The following SPOCK3 variants were observed in gnomAD, a reference collection of about 807,000 sequenced individuals.
SPOCK3 encodes the protein testican-3.
Under a neutral mutation model 56.6 loss-of-function variants are expected in SPOCK3, and 30 were observed. The observed-to-expected ratio is 0.53, with a 90% CI of 0.40 to 0.72. The LOEUF is 0.72. Among genes scored for constraint, SPOCK3 ranks in the 30% least tolerant of loss-of-function variants. SPOCK3 has a pLI of 0.00. For synonymous variants in SPOCK3, 196 were observed against 183.3 expected (o/e 1.07, Z -0.56); for missense variants, 527 against 530.0 (o/e 0.99, Z 0.06).
chr4:167,012,083 CTTCTA>C (rs1267043965), intron 3 of SPOCK3, among the ~76,000 whole-genome samples: 6 of 151,764 alleles, frequency 4.0e-5, no homozygotes, highest in Non-Finnish European at 8.8e-5. Flanking sequence ...AATGAGGCAA[CTTCTA>C]TTCAAATTGA....
intron 4 of SPOCK3, among the ~76,000 whole-genome samples, chr4:166,953,304 C>T (rs1238521882): frequency 2.0e-5 from 3 of 152,196 alleles, no homozygotes; most frequent in African/African-American, 7.2e-5. Context: ...CAAAAGAAGA[C>T]ATTTATGCAG....
intron 5 of SPOCK3, among the ~76,000 whole-genome samples, chr4:166,895,398 G>A (rs1735265741): frequency 6.6e-6 from 1 of 151,570 alleles, no homozygotes. Flanking sequence ...ATAAATGAGA[G>A]TCAATTTTTT....
chr4:166,776,538 C>T (rs1420653996), intron 7 of SPOCK3, among the ~76,000 whole-genome samples: 1 of 152,162 alleles, frequency 6.6e-6, no homozygotes, highest in Non-Finnish European at 1.5e-5. Flanking sequence ...TCCTCATCTT[C>T]TTAGATAACA....
At chr4:167,142,261 G>A (rs1763597743) in intron 2 of SPOCK3, among the ~76,000 whole-genome samples, 2 of 151,896 alleles carry the variant, frequency 1.3e-5, no homozygotes, top group South Asian at 4.1e-4. Flanking sequence ...CAAAAGAATA[G>A]TCAAGGATGT....
At chr4:166,842,308 G>A (rs951428497) in intron 6 of SPOCK3, among the ~76,000 whole-genome samples, 1 of 152,114 alleles carries the variant, frequency 6.6e-6, no homozygotes, top group Admixed American at 6.5e-5. Context: ...CCTGCTGATT[G>A]GTCCATTTTA....
At chr4:166,754,132 C>T in intron 8 of SPOCK3, 1 of 986,258 alleles carries the variant, frequency 1.0e-6, no homozygotes, top group Non-Finnish European at 1.2e-6. Flanking sequence ...CATTAAAACT[C>T]CACCGTATAG....
intron 2 of SPOCK3, among the ~76,000 whole-genome samples, chr4:167,212,458 G>C (rs886448268): frequency 2.6e-5 from 4 of 152,018 alleles, no homozygotes; most frequent in Non-Finnish European, 5.9e-5. Context: ...GCCAGGACTG[G>C]TCTTGAACTC....
In SPOCK3 at chr4:167,012,552, T is replaced by A. The variant is rs568567789; in HGVS notation, c.236-12089A>T. On this transcript the variant is annotated intron_variant, in intron 3 of 10. Coordinates refer to ENST00000357545, the MANE Select transcript of SPOCK3 (RefSeq NM_001040159.2). ...GCTCTTTAGCACTTGGGGAAAAAAA[T>A]TAAGAAAACTAAGACTAAGTTGGAC... Among the ~76,000 whole-genome samples, 221 of 151,998 alleles carry A rather than the reference T, an allele frequency of 1.5e-3. 2 individuals are homozygous for A. In the South Asian group the frequency reaches 0.022, roughly 15 times the overall value.
At chr4:167,065,217 A>G (rs1756014011) in intron 2 of SPOCK3, among the ~76,000 whole-genome samples, 1 of 151,662 alleles carries the variant, frequency 6.6e-6, no homozygotes, top group Non-Finnish European at 1.5e-5. Context: ...GTTAATAGTG[A>G]GTCCATTCAT....
At chr4:167,100,112 TCTCA>T (rs1759508398) in intron 2 of SPOCK3, among the ~76,000 whole-genome samples, 1 of 152,132 alleles carries the variant, frequency 6.6e-6, no homozygotes, top group Non-Finnish European at 1.5e-5. Flanking sequence ...AATACCAAAC[TCTCA>T]CTATCAATTT....
chr4:166,762,089 G>T (rs1737314329), intron 7 of SPOCK3, among the ~76,000 whole-genome samples: 1 of 133,164 alleles, frequency 7.5e-6, no homozygotes, highest in Admixed American at 8.2e-5. Flanking sequence ...AAGAATTTCA[G>T]TGTTTTTGTT....
At chr4:166,922,225 C>T (rs1039688824) in intron 4 of SPOCK3, among the ~76,000 whole-genome samples, 2 of 152,098 alleles carry the variant, frequency 1.3e-5, no homozygotes, top group Admixed American at 6.6e-5. Flanking sequence ...GACCGCTGCC[C>T]TACAAGATAT....
chr4:167,089,695 G>A (rs1257882608), intron 2 of SPOCK3, among the ~76,000 whole-genome samples: 1 of 152,056 alleles, frequency 6.6e-6, no homozygotes, highest in African/African-American at 2.4e-5. Context: ...ACACATCAGT[G>A]GGTTGTATCA....
chr4:166,944,340 A>G (rs62355383), intron 4 of SPOCK3, among the ~76,000 whole-genome samples: 2,154 of 152,220 alleles, frequency 0.014, 21 homozygotes, highest in African/African-American at 0.02. Context: ...CTCCTCCATA[A>G]CAACAATGCA....
intron 3 of SPOCK3, among the ~76,000 whole-genome samples, chr4:167,061,696 AT>A (rs1755624009): frequency 6.6e-6 from 1 of 151,978 alleles, no homozygotes; most frequent in Non-Finnish European, 1.5e-5. Flanking sequence ...AAAAACTTCT[AT>A]TTTTAAGTCT....
chr4:166,832,957 C>T (rs116535005), intron 6 of SPOCK3, among the ~76,000 whole-genome samples: 1,835 of 152,230 alleles, frequency 0.012, 43 homozygotes, highest in African/African-American at 0.042. Flanking sequence ...AGGTACTATA[C>T]TCACTACCTG....
intron 6 of SPOCK3, among the ~76,000 whole-genome samples, chr4:166,865,055 C>T (rs1731658727): frequency 6.6e-6 from 1 of 151,998 alleles, no homozygotes; most frequent in African/African-American, 2.4e-5. Flanking sequence ...GCAAGCCAAA[C>T]CCAGCAGCAC....
chr4:167,226,715 T>C (rs1736632884), intron 2 of SPOCK3, among the ~76,000 whole-genome samples: 5 of 152,132 alleles, frequency 3.3e-5, no homozygotes, highest in Admixed American at 3.3e-4. Flanking sequence ...AGGTGAATTC[T>C]AGGACAAGGT....
rs547662366 is a variant in SPOCK3 at position 166,882,388 on chromosome 4, A to T, written c.589+6742T>A. Among the ~76,000 whole-genome samples the T allele has an allele frequency of 1.5e-3, 226 of 152,250 alleles. 1 individual carries two copies. The highest frequency in any genetic ancestry group is 3.4e-3 in the Middle Eastern group (1 of 294). ...TGATTTCATCTTCTGGCCAAACCAC[A>T]CTGTACCATGGTGCTGTCTGGGCTT... On this transcript the variant is annotated intron_variant, in intron 6 of 10. Coordinates refer to ENST00000357545, the MANE Select transcript of SPOCK3 (RefSeq NM_001040159.2).
Sources: gnomAD v4.1 joint callset for allele counts (sites outside exome capture counted in the v4.1 genomes callset) on GRCh38, gnomAD v4.1.1 for gene constraint, MANE v1.5 for transcripts, NCBI Gene and HGNC (gene_info 2026-07-23, HGNC 2026-07-21) for gene names.